NTM: variants seen among roughly 807,000 people sequenced by gnomAD.
NTM encodes neurotrimin, also known as IgLON family member 2.
In NTM, 13 loss-of-function variants were observed where a neutral mutation model predicts 42.1. The observed-to-expected ratio is 0.31, with a 90% CI of 0.20 to 0.49. NTM has a LOEUF of 0.49. NTM is among the 20% of genes least tolerant of loss of function. The pLI is 0.99. For missense variants in NTM, 373 were observed against 452.8 expected, an observed-to-expected ratio of 0.82 and a Z score of 1.60; for synonymous variants, 187 against 179.2, an observed-to-expected ratio of 1.04 and a Z score of -0.35.
chr11:131,889,268 G>A (rs1476389153), intron 1 of NTM, among the ~76,000 whole-genome samples: 1 of 152,148 alleles, frequency 6.6e-6, no homozygotes, highest in African/African-American at 2.4e-5. Flanking sequence ...TAAGATACAG[G>A]CCAGGCAGAT....
chr11:131,928,404 G>A (rs1366830015), intron 2 of NTM, among the ~76,000 whole-genome samples: 3 of 152,250 alleles, frequency 2.0e-5, no homozygotes, highest in Non-Finnish European at 4.4e-5. Context: ...GCTTAGGCAT[G>A]TATAGAGGAT....
At chr11:132,101,600 G>A (rs955704138) in intron 2 of NTM, among the ~76,000 whole-genome samples, 3 of 150,244 alleles carry the variant, frequency 2.0e-5, no homozygotes, top group Non-Finnish European at 4.4e-5. Context: ...TTGAATGTAT[G>A]TGAATATCTA....
intron 2 of NTM, among the ~76,000 whole-genome samples, chr11:132,072,070 G>T (rs901043623): frequency 2.0e-5 from 3 of 152,240 alleles, no homozygotes; most frequent in South Asian, 4.2e-4. Context: ...AATAAATCAT[G>T]CCTGATGCCC....
At chr11:131,640,399 A>C (rs2064988584) in intron 1 of NTM, among the ~76,000 whole-genome samples, 1 of 152,222 alleles carries the variant, frequency 6.6e-6, no homozygotes, top group Non-Finnish European at 1.5e-5. Context: ...TTACCTGTGG[A>C]AAGTAAAGCC....
chr11:131,886,852 C>A (rs1197924909), intron 1 of NTM, among the ~76,000 whole-genome samples: 2 of 152,310 alleles, frequency 1.3e-5, no homozygotes, highest in East Asian at 3.9e-4. Flanking sequence ...TTTATCTGTC[C>A]CGCTGGGATG....
At chr11:132,194,294 G>A (rs1319475253) in intron 3 of NTM, among the ~76,000 whole-genome samples, 2 of 152,046 alleles carry the variant, frequency 1.3e-5, no homozygotes, top group African/African-American at 4.8e-5. Context: ...TTATTCCTGG[G>A]ATGCAAGGGT....
Position 132,262,580 on chromosome 11 carries a change from T to C in NTM, c.527-45109T>C, listed in dbSNP as rs74612403. ...GAGAGAGAAGGATCATCTCTTTTTT[T>C]ATCTATTCTTACGAGGACTTTAATT... is the stretch of plus-strand genomic sequence containing the variant. On this transcript the variant is annotated intron_variant, in intron 4 of 8. Transcript: ENST00000683400. 6.4e-3 allele frequency among the ~76,000 whole-genome samples: 972 copies of C among 152,286 alleles called. 5 individuals carry two copies. Among genetic ancestry groups the C allele is most frequent in the African/African-American group, 0.022 (906 of 41,552 alleles).
At chr11:132,323,546 C>G (rs1235028155) in intron 7 of NTM, among the ~76,000 whole-genome samples, 1 of 151,652 alleles carries the variant, frequency 6.6e-6, no homozygotes, top group East Asian at 1.9e-4. Flanking sequence ...AGCTTACCAA[C>G]CAAAAAGAGT....
At chr11:132,242,420 TA>T (rs927361989) in intron 4 of NTM, among the ~76,000 whole-genome samples, 2 of 152,194 alleles carry the variant, frequency 1.3e-5, no homozygotes, top group Middle Eastern at 3.4e-3. Flanking sequence ...CCTGCTTAGT[TA>T]AAAAAATGGT....
At chr11:131,472,856 A>T (rs1952572332) in intron 1 of NTM, among the ~76,000 whole-genome samples, 1 of 152,134 alleles carries the variant, frequency 6.6e-6, no homozygotes, top group African/African-American at 2.4e-5. Context: ...TCCGAAGCCC[A>T]CATTACTTCC....
chr11:131,882,150 G>A (rs887120095), intron 1 of NTM, among the ~76,000 whole-genome samples: 13 of 152,258 alleles, frequency 8.5e-5, no homozygotes, highest in African/African-American at 3.1e-4. Context: ...ATCAGAGTTG[G>A]TAATCAATAG....
At chr11:132,252,204 C>A (rs2092021569) in intron 4 of NTM, among the ~76,000 whole-genome samples, 1 of 151,918 alleles carries the variant, frequency 6.6e-6, no homozygotes, top group African/African-American at 2.4e-5. Context: ...TGTTTCCCAT[C>A]TTATGAAAAA....
At chr11:132,170,774 A>T (rs1016476844) in intron 3 of NTM, among the ~76,000 whole-genome samples, 3 of 151,980 alleles carry the variant, frequency 2.0e-5, no homozygotes, top group African/African-American at 7.3e-5. Flanking sequence ...CATTCAATTT[A>T]AAAAAAATAA....
Position 132,070,359 on chromosome 11 carries a change from C to G in NTM, c.168-75923C>G, listed in dbSNP as rs1471708956. 2.1e-5 allele frequency among the ~76,000 whole-genome samples: 3 copies of G among 144,140 alleles called. 1 individual carries two copies. The highest frequency in any genetic ancestry group is 4.6e-5 in the Non-Finnish European group (3 of 64,984). 94.6% of individuals were successfully genotyped at this position (144,140 alleles called of 152,430 possible). ...CGTCACACAGCCAAAACACGTCAAA[C>G]TGACCATCACAGGTTAGTTAACACG... On this transcript the variant is annotated intron_variant, in intron 2 of 8. Transcript: ENST00000683400.
At chr11:131,598,636 C>T (rs2060021633) in intron 1 of NTM, among the ~76,000 whole-genome samples, 1 of 152,202 alleles carries the variant, frequency 6.6e-6, no homozygotes, top group Non-Finnish European at 1.5e-5. Flanking sequence ...CACTGGCTTC[C>T]ACCAGCACTA....
At chr11:132,090,641 T>A (rs1399276800) in intron 2 of NTM, among the ~76,000 whole-genome samples, 1 of 152,132 alleles carries the variant, frequency 6.6e-6, no homozygotes, top group Non-Finnish European at 1.5e-5. Context: ...TAAAGCTCCT[T>A]GAATGCCCTA....
chr11:132,331,717 T>G (rs2095803241), intron 8 of NTM, among the ~76,000 whole-genome samples: 1 of 152,140 alleles, frequency 6.6e-6, no homozygotes, highest in Non-Finnish European at 1.5e-5. Flanking sequence ...GGTAAGTATT[T>G]TACTAGTGGG....
At chr11:131,713,307 T>G (rs376752686) in intron 1 of NTM, among the ~76,000 whole-genome samples, 16 of 152,034 alleles carry the variant, frequency 1.1e-4, no homozygotes, top group African/African-American at 3.9e-4. Context: ...TACAAAAGGG[T>G]CTTGTTGTCC....
chr11:132,047,058 A>T (rs2078122161), intron 2 of NTM, among the ~76,000 whole-genome samples: 1 of 152,212 alleles, frequency 6.6e-6, no homozygotes, highest in Admixed American at 6.5e-5. Context: ...GTTCATGGTC[A>T]TATGGTGACT....
Sources: allele counts gnomAD v4.1 joint callset (sites outside exome capture counted in the v4.1 genomes callset), GRCh38; gene constraint gnomAD v4.1.1; transcripts MANE v1.5; gene names NCBI Gene and HGNC (gene_info 2026-07-23, HGNC 2026-07-21).